Variants in TENM3 observed in about 807,000 individuals in gnomAD.
TENM3 encodes teneurin transmembrane protein 3.
TENM3 carries 63 observed loss-of-function variants against 255.1 expected under a neutral mutation model. The ratio of observed to expected loss-of-function variants is 0.25; its 90% CI spans 0.20 to 0.30. TENM3 has a LOEUF of 0.30. TENM3 is among the 10% of genes least tolerant of loss of function. TENM3 has a pLI of 1.00. For synonymous variants in TENM3, 1,306 were observed against 1,322.3 expected, an observed-to-expected ratio of 0.99 and a Z score of 0.27; for missense variants, 2,929 against 3,461.1, an observed-to-expected ratio of 0.85 and a Z score of 3.86.
intron 3 of TENM3, among the ~76,000 whole-genome samples, chr4:182,384,041 C>T (rs1202543808): frequency 6.6e-6 from 1 of 152,188 alleles, no homozygotes; most frequent in Non-Finnish European, 1.5e-5. Flanking sequence ...CTCTCCCATG[C>T]TCATTGGGCC....
intron 7 of TENM3, among the ~76,000 whole-genome samples, 192 bp from the exon 8 acceptor site, chr4:182,679,474 C>T (rs1354149829): frequency 1.3e-5 from 2 of 152,134 alleles, no homozygotes; most frequent in Non-Finnish European, 2.9e-5. Context: ...GAATCCAGCC[C>T]TGTGTGGCGA....
At chr4:181,873,053 T>C in the TENM3 span, among the ~76,000 whole-genome samples, 1 of 152,192 alleles carries the variant, frequency 6.6e-6, no homozygotes, top group Admixed American at 6.5e-5. Context: ...CTTTAAGTCT[T>C]ACTTCTCTTC....
the TENM3 span, among the ~76,000 whole-genome samples, chr4:182,077,540 A>G: frequency 6.6e-6 from 1 of 152,194 alleles, no homozygotes; most frequent in South Asian, 2.1e-4. Context: ...ACATTGCACA[A>G]AGAAAGCAAA....
chr4:181,830,456 A>T, the TENM3 span, among the ~76,000 whole-genome samples: 1 of 151,954 alleles, frequency 6.6e-6, no homozygotes, highest in Non-Finnish European at 1.5e-5. Context: ...TATTTTTAGT[A>T]GAGATGGGGT....
chr4:182,778,754 AT>A (rs143337835), intron 24 of TENM3, among the ~76,000 whole-genome samples: 2 of 151,888 alleles, frequency 1.3e-5, no homozygotes, highest in African/African-American at 4.8e-5. Context: ...GAAAATGGAG[AT>A]TTTTTTCCAT....
rs115741276 is a variant in TENM3, at chr4:182,175,439, G to A, written c.-76+30685G>A. Among the ~76,000 whole-genome samples the A allele has an allele frequency of 3.7e-3, 562 of 151,944 alleles. 5 individuals carry two copies. The highest frequency in any genetic ancestry group is 0.012 in the African/African-American group (505 of 41,412). ...GGTATTCTTTTCATTTATCCACTGCGTAATTCTAAAGGTAAGATTCCTCAG... is the reference window on the plus strand; with the variant it reads ...GGTATTCTTTTCATTTATCCACTGCATAATTCTAAAGGTAAGATTCCTCAG... On this transcript the variant is annotated intron_variant, in intron 1 of 2. Coordinates refer to the TENM3 transcript ENST00000512480.
chr4:182,577,797 C>G lies in TENM3; in HGVS notation c.512-23127C>G, dbSNP rs1745080947. On this transcript the variant is annotated intron_variant, in intron 3 of 27. Transcript: ENST00000511685. The stretch of plus-strand genomic sequence containing the variant: ...AGTATTAACTATCTTTATGATTCCT[C>G]AAGTACTCAGAAACTTAGGAGATGG... Among the ~76,000 whole-genome samples, 3 of 152,154 alleles carry G rather than the reference C, an allele frequency of 2.0e-5. No homozygotes were observed. In the South Asian group the frequency reaches 6.2e-4, roughly 32 times the overall value.
At chr4:182,064,509 G>C in the TENM3 span, among the ~76,000 whole-genome samples, 17 of 152,216 alleles carry the variant, frequency 1.1e-4, no homozygotes, top group African/African-American at 4.1e-4. Flanking sequence ...CGTGAACCCG[G>C]GAGGCGGAGC....
chr4:182,372,439 AT>A (rs1766890548), intron 3 of TENM3, among the ~76,000 whole-genome samples: 1 of 152,180 alleles, frequency 6.6e-6, no homozygotes, highest in Admixed American at 6.6e-5. Context: ...ATAACTTCAA[AT>A]TTTTTAAGCT....
At chr4:182,783,310 T>A (rs1341361128) in intron 24 of TENM3, among the ~76,000 whole-genome samples, 1 of 151,348 alleles carries the variant, frequency 6.6e-6, no homozygotes, top group Non-Finnish European at 1.5e-5. Flanking sequence ...CTCCTTCGCT[T>A]ATGAAGCTTA....
At chr4:182,052,304 T>A in the TENM3 span, among the ~76,000 whole-genome samples, 1 of 152,000 alleles carries the variant, frequency 6.6e-6, no homozygotes, top group Admixed American at 6.6e-5. Context: ...GGTCATGTCA[T>A]CAGAAGCAAG....
chr4:182,585,403 G>C (rs1377931607), intron 3 of TENM3, among the ~76,000 whole-genome samples: 1 of 152,128 alleles, frequency 6.6e-6, no homozygotes, highest in Non-Finnish European at 1.5e-5. Context: ...TGGAGCTAGG[G>C]CCTCTAAGGA....
the TENM3 span, among the ~76,000 whole-genome samples, chr4:181,940,044 T>C: frequency 1.3e-5 from 2 of 152,250 alleles, no homozygotes; most frequent in African/African-American, 4.8e-5. Flanking sequence ...CTTTATGTTC[T>C]AGCTTAGATT....
the TENM3 span, among the ~76,000 whole-genome samples, chr4:181,855,556 T>G: frequency 2.0e-5 from 3 of 152,202 alleles, no homozygotes; most frequent in Non-Finnish European, 2.9e-5. Flanking sequence ...GCTCCCAATT[T>G]CAAATAAGGA....
At chr4:182,364,293 A>G (rs1426128147) in intron 3 of TENM3, among the ~76,000 whole-genome samples, 2 of 152,224 alleles carry the variant, frequency 1.3e-5, no homozygotes, top group Admixed American at 6.5e-5. Flanking sequence ...GGCAACACAG[A>G]TAAGCAGATG....
At chr4:182,554,063 C>T (rs996236075) in intron 3 of TENM3, among the ~76,000 whole-genome samples, 22 of 152,134 alleles carry the variant, frequency 1.4e-4, no homozygotes, top group African/African-American at 5.3e-4. Flanking sequence ...AGTGTAAGTA[C>T]GTACATAGAA....
At chr4:182,654,568 T>C (rs1364807266) in intron 6 of TENM3, among the ~76,000 whole-genome samples, 2 of 152,142 alleles carry the variant, frequency 1.3e-5, no homozygotes, top group Non-Finnish European at 2.9e-5. Flanking sequence ...TCCTCTGACT[T>C]TTTGCAAAAT....
At chr4:181,755,044 C>T in the TENM3 span, among the ~76,000 whole-genome samples, 23 of 152,136 alleles carry the variant, frequency 1.5e-4, no homozygotes, top group African/African-American at 5.6e-4. Context: ...TCTCCTGTAT[C>T]AGACATGAGG....
chr4:181,587,653 T>A, the TENM3 span, among the ~76,000 whole-genome samples: 1 of 152,294 alleles, frequency 6.6e-6, no homozygotes, highest in East Asian at 1.9e-4. Context: ...GGGACCCCAC[T>A]GTTAACCAGA....
Sources: gnomAD v4.1 joint callset for allele counts (sites outside exome capture counted in the v4.1 genomes callset) on GRCh38, gnomAD v4.1.1 for gene constraint, MANE v1.5 for transcripts, NCBI Gene and HGNC (gene_info 2026-07-23, HGNC 2026-07-21) for gene names.